The following RSPH9 variants were observed in gnomAD, a reference collection of about 807,000 sequenced individuals.
The protein encoded by RSPH9 is radial spoke head component 9.
In RSPH9, 27 loss-of-function variants were observed where a neutral mutation model predicts 27.0. The observed-to-expected ratio is 1.00, with a 90% CI of 0.74 to 1.38. The LOEUF (loss-of-function observed/expected upper bound fraction) is 1.38. Among genes scored for constraint, RSPH9 ranks in the 40% most tolerant of loss-of-function variants. RSPH9 has a pLI of 0.00. For synonymous variants in RSPH9, 145 were observed against 147.7 expected, an observed-to-expected ratio of 0.98 and a Z score of 0.13; for missense variants, 347 against 357.4, an observed-to-expected ratio of 0.97 and a Z score of 0.24.
chr6:43,652,742 T>C (rs1332909559), intron 2 of RSPH9, among the ~76,000 whole-genome samples: 1 of 151,762 alleles, frequency 6.6e-6, no homozygotes, highest in Admixed American at 6.6e-5. Flanking sequence ...TTTTTTTTTT[T>C]TTTTTCACCA....
At chr6:43,666,607 T>C in intron 4 of RSPH9, 1 of 829,084 alleles carries the variant, frequency 1.2e-6, no homozygotes, top group South Asian at 1.8e-5. Flanking sequence ...GCTGTTGTCC[T>C]CATGAGTTGT....
chr6:43,672,346 G>C lies in RSPH9; in HGVS notation c.*1397G>C, dbSNP rs1773770415. ...ACCCCAACCTTCAGGGAACTCCCCA[G>C]GGTACTATAACTGGTATAAGACCCC... On this transcript the variant is annotated 3_prime_UTR_variant, in exon 5 of 5. Transcript: ENST00000372163. 1 of 472,484 alleles carries C rather than the reference G, an allele frequency of 2.1e-6. No individual in the cohort carries two copies. Among genetic ancestry groups the C allele is most frequent in the Non-Finnish European group, 4.4e-6 (1 of 227,826 alleles). 29.3% of individuals were successfully genotyped at this position (472,484 alleles called of 1,614,324 possible).
At position 43,671,761 on chromosome 6, in the gene RSPH9, G is replaced by C; in HGVS notation, c.*812G>C. The C allele has an allele frequency of 6.2e-7, 1 of 1,614,204 alleles. No homozygotes were observed. Among genetic ancestry groups the C allele is most frequent in the Non-Finnish European group, 8.5e-7 (1 of 1,180,022 alleles). On this transcript the variant is annotated 3_prime_UTR_variant, in exon 5 of 5. Coordinates refer to ENST00000372163, the MANE Select transcript of RSPH9 (RefSeq NM_152732.5). ...AGGAACTCTGGAAGCACTGCTCTCT[G>C]TCAGTGATACAGCTTCCAAGGTGTT...
At chr6:43,661,949 G>A (rs927913652) in intron 4 of RSPH9, among the ~76,000 whole-genome samples, 7 of 152,156 alleles carry the variant, frequency 4.6e-5, no homozygotes, top group African/African-American at 7.2e-5. Context: ...GTGCAACAGC[G>A]TGATCATGCT....
chr6:43,656,723 G>A lies in RSPH9; in HGVS notation c.670G>A (p.Gly224Arg), dbSNP rs778036035. 1.9e-6 allele frequency: 3 copies of A among 1,614,036 alleles called. No homozygotes were observed. Among genetic ancestry groups the A allele is most frequent in the Non-Finnish European group, 2.5e-6 (3 of 1,180,002 alleles). The change falls in exon 4 of 5, where the codon GGG becomes AGG. Residue 224 changes from glycine to arginine, a missense_variant and splice_region_variant. Gly to Arg is a moderately radical substitution (Grantham distance 125). Coordinates refer to ENST00000372163, the MANE Select transcript of RSPH9 (RefSeq NM_152732.5). ...CTCCTTGGAGCATGACATTCCCAAAGGTAATAGTCCATTACCTGGAGGCCA... is the reference window on the plus strand; with the variant it reads ...CTCCTTGGAGCATGACATTCCCAAAAGTAATAGTCCATTACCTGGAGGCCA... ...MDSLEHDIPK[G>R]SWSIQMERGN...
At chr6:43,650,610 G>T (rs536432383) in intron 2 of RSPH9, 70 bp downstream of exon 2, 2 of 1,563,232 alleles carry the variant, frequency 1.3e-6, no homozygotes, top group Non-Finnish European at 1.8e-6. Flanking sequence ...CAGCCTAATA[G>T]AAATTATGGC....
intron 2 of RSPH9, 113 bp downstream of exon 2, chr6:43,650,653 T>A (rs962717579): frequency 8.9e-7 from 1 of 1,120,470 alleles, no homozygotes; most frequent in Non-Finnish European, 1.3e-6. Flanking sequence ...ACGCCTGTAA[T>A]CTCAGCACTT....
At chr6:43,666,385 G>C (rs1773139493) in intron 4 of RSPH9, 5 of 1,464,640 alleles carry the variant, frequency 3.4e-6, no homozygotes, top group Middle Eastern at 3.4e-4. Context: ...GGATTTGGCA[G>C]CTGTTTTCTG....
chr6:43,669,663 G>C lies in RSPH9; in HGVS notation c.671-1126G>C, dbSNP rs188013167. ...GCCTTTCTGGCAGGGCCTGGAGCAG[G>C]GCTGTGGCTGGGCCGGGAGAGGCCT... On this transcript the variant is annotated intron_variant, in intron 4 of 4. Coordinates refer to ENST00000372163, the MANE Select transcript of RSPH9 (RefSeq NM_152732.5). Among the ~76,000 whole-genome samples, 34 of 152,370 alleles carry C rather than the reference G, an allele frequency of 2.2e-4. No individual in the cohort carries two copies. In the East Asian group the frequency reaches 6.5e-3, roughly 29 times the overall value.
intron 1 of RSPH9, among the ~76,000 whole-genome samples, chr6:43,645,654 C>G (rs1770777374): frequency 6.6e-6 from 1 of 151,770 alleles, no homozygotes; most frequent in Admixed American, 6.6e-5. Context: ...GAGAAACTTA[C>G]ATGCGGATGG....
chr6:43,668,265 T>G (rs1773349255), intron 4 of RSPH9, among the ~76,000 whole-genome samples: 1 of 152,182 alleles, frequency 6.6e-6, no homozygotes, highest in African/African-American at 2.4e-5. Context: ...TGCTTGGCTC[T>G]TCAGGTAGAT....
rs1017045196 is a variant in RSPH9, at chr6:43,671,934, G to A, written c.*985G>A. The A allele has an allele frequency of 1.7e-5, 27 of 1,563,238 alleles. No homozygotes were observed. Among genetic ancestry groups the A allele is most frequent in the Non-Finnish European group, 2.2e-5 (25 of 1,153,254 alleles). On this transcript the variant is annotated 3_prime_UTR_variant, in exon 5 of 5. Coordinates refer to ENST00000372163, the MANE Select transcript of RSPH9 (RefSeq NM_152732.5). ...GTGGAGGGAGAACAAAGAGGTGCCTGTGAGGGCTGGGGGCCCAAGCTGGAC... is the reference window on the plus strand; with the variant it reads ...GTGGAGGGAGAACAAAGAGGTGCCTATGAGGGCTGGGGGCCCAAGCTGGAC...
chr6:43,670,153 A>G (rs1210807669), intron 4 of RSPH9, among the ~76,000 whole-genome samples: 1 of 152,196 alleles, frequency 6.6e-6, no homozygotes, highest in Non-Finnish European at 1.5e-5. Flanking sequence ...CCCTTGGCCC[A>G]GCCCAACTCC....
intron 4 of RSPH9, among the ~76,000 whole-genome samples, chr6:43,665,482 C>T (rs1446370778): frequency 6.6e-6 from 1 of 152,180 alleles, no homozygotes; most frequent in African/African-American, 2.4e-5. Flanking sequence ...CCTGGTGAGC[C>T]ACTCTGATGT....
intron 4 of RSPH9, among the ~76,000 whole-genome samples, chr6:43,660,885 C>A (rs1245969739): frequency 1.5e-5 from 2 of 134,482 alleles, no homozygotes; most frequent in South Asian, 2.3e-4. Flanking sequence ...TATGAAATGT[C>A]TTTTAAAAAT....
chr6:43,666,623 C>A, intron 4 of RSPH9: 1 of 750,832 alleles, frequency 1.3e-6, no homozygotes, highest in Non-Finnish European at 2.2e-6. Context: ...GTTGTCATGC[C>A]GTGTCCAGGG....
rs867982037 is a variant in RSPH9 at position 43,672,125 on chromosome 6, G to A, written c.*1176G>A. Reference sequence around the variant, plus strand: ...TGCTGCCGCAAGCCTGTGTGGCCAGGTTCAGGCAGCCCAGGGCCACAAGCT... The same window carrying A: ...TGCTGCCGCAAGCCTGTGTGGCCAGATTCAGGCAGCCCAGGGCCACAAGCT... On this transcript the variant is annotated 3_prime_UTR_variant, in exon 5 of 5. Transcript: ENST00000372163. The A allele has an allele frequency of 1.6e-6, 1 of 607,204 alleles. No homozygotes were observed. Among genetic ancestry groups the A allele is most frequent in the Admixed American group, 3.0e-5 (1 of 32,852 alleles). The allele number at this position is 607,204 out of a possible 1,614,324, so 37.6% of individuals were successfully genotyped here.
chr6:43,671,564 G>A lies in RSPH9; in HGVS notation c.*615G>A. On this transcript the variant is annotated 3_prime_UTR_variant, in exon 5 of 5. Transcript: ENST00000372163. Reference sequence around the variant, plus strand: ...GGCAAGGGACCCAACTGCCCTGCCTGCCTCTAGCTCCCAGCATTGCTACTG... The same window carrying A: ...GGCAAGGGACCCAACTGCCCTGCCTACCTCTAGCTCCCAGCATTGCTACTG... The A allele has an allele frequency of 1.6e-6, 1 of 633,716 alleles. No individual in the cohort carries two copies. Among genetic ancestry groups the A allele is most frequent in the Non-Finnish European group, 2.7e-6 (1 of 368,280 alleles). The allele number at this position is 633,716 out of a possible 1,614,324, so 39.3% of individuals were successfully genotyped here.
At chr6:43,666,563 A>C in intron 4 of RSPH9, 1 of 1,283,590 alleles carries the variant, frequency 7.8e-7, no homozygotes, top group South Asian at 1.3e-5. Context: ...CCAAAGTGAC[A>C]AGAGACACCT....
Sources: allele counts gnomAD v4.1 joint callset (sites outside exome capture counted in the v4.1 genomes callset), GRCh38; gene constraint gnomAD v4.1.1; transcripts MANE v1.5; gene names NCBI Gene and HGNC (gene_info 2026-07-23, HGNC 2026-07-21).